The following DNAH11 variants were observed in gnomAD, a reference collection of about 807,000 sequenced individuals.
The protein encoded by DNAH11 is axonemal beta dynein heavy chain 11.
DNAH11 carries 442 observed loss-of-function variants against 526.0 expected under a neutral mutation model. The ratio of observed to expected loss-of-function variants is 0.84; its 90% CI spans 0.78 to 0.91. The LOEUF (loss-of-function observed/expected upper bound fraction) is 0.91. Among genes scored for constraint, DNAH11 ranks in the 40% least tolerant of loss-of-function variants. The pLI is 0.00. For synonymous variants in DNAH11, 2,461 were observed against 1,935.9 expected (o/e 1.27, Z -7.12); for missense variants, 6,989 against 5,448.7 (o/e 1.28, Z -8.90).
chr7:21,708,512 C>G (rs944745855), intron 40 of DNAH11, among the ~76,000 whole-genome samples: 3 of 152,030 alleles, frequency 2.0e-5, no homozygotes, highest in Admixed American at 2.0e-4. Context: ...TGACCTAAAG[C>G]AGACAGAGGG....
In DNAH11 at chr7:21,647,207, A is replaced by G. The variant is rs565762228; in HGVS notation, c.4944+8142A>G. ...AGTTCTCCAAATTGATGAAAAGTAC[A>G]AAAGTGTAAATTCACAGACTTAAGA... On this transcript the variant is annotated intron_variant, in intron 28 of 81. Transcript: ENST00000409508. Among the ~76,000 whole-genome samples the G allele has an allele frequency of 3.9e-4, 60 of 152,298 alleles. 1 individual carries two copies. The highest frequency in any genetic ancestry group is 1.3e-3 in the African/African-American group (53 of 41,580).
chr7:21,753,572 C>T (rs1786503214), intron 54 of DNAH11, among the ~76,000 whole-genome samples: 1 of 152,122 alleles, frequency 6.6e-6, no homozygotes, highest in Non-Finnish European at 1.5e-5. Flanking sequence ...GTCTTCTTGT[C>T]TAAACAACAT....
At chr7:21,685,733 G>A (rs1354069737) in intron 32 of DNAH11, among the ~76,000 whole-genome samples, 1 of 152,186 alleles carries the variant, frequency 6.6e-6, no homozygotes, top group Non-Finnish European at 1.5e-5. Context: ...ACAGAAGTGG[G>A]TATCTCACTG....
intron 25 of DNAH11, among the ~76,000 whole-genome samples, chr7:21,620,469 C>T (rs544166545): frequency 6.6e-6 from 1 of 151,542 alleles, no homozygotes; most frequent in South Asian, 2.1e-4. Context: ...TAGATGGCAT[C>T]GTACAATATT....
chr7:21,626,217 G>A (rs1448152354), intron 25 of DNAH11, among the ~76,000 whole-genome samples: 1 of 152,130 alleles, frequency 6.6e-6, no homozygotes, highest in Non-Finnish European at 1.5e-5. Context: ...CGTGATATTT[G>A]TCTTTCTATG....
Position 21,591,467 on chromosome 7 carries a change from A to G in DNAH11, c.2557A>G (p.Arg853Gly), listed in dbSNP as rs764607630. ...GGCCAGGTGCGTGCTACCTCCCAGG[A>G]GAGAGCACAGACGAGAGGCAGCCTT... ...GWARCVLPPR[R>G]EHRREAAFTL... Residue 853 changes from arginine to glycine, a missense_variant, in exon 14 of 82, where the codon AGA becomes GGA. Physicochemically the swap from Arg to Gly is moderately radical, Grantham distance 125. Coordinates refer to ENST00000409508, the MANE Select transcript of DNAH11 (RefSeq NM_001277115.2). 8 of 1,613,914 alleles carry G rather than the reference A, an allele frequency of 5.0e-6. No homozygotes were observed. Among genetic ancestry groups the G allele is most frequent in the South Asian group, 4.4e-5 (4 of 91,080 alleles).
intron 65 of DNAH11, among the ~76,000 whole-genome samples, chr7:21,818,807 GA>G (rs1188774552): frequency 6.6e-6 from 1 of 152,072 alleles, no homozygotes; most frequent in East Asian, 1.9e-4. Context: ...TAACCATTCG[GA>G]AAAGGAGAGT....
rs756115857 is a variant in DNAH11, at chr7:21,808,003, G to A, written c.10286G>A (p.Arg3429His). 1.5e-5 allele frequency: 24 copies of A among 1,584,928 alleles called. No individual in the cohort carries two copies. Among genetic ancestry groups the A allele is most frequent in the African/African-American group, 2.7e-5 (2 of 74,718 alleles). ...SYVGPFTRQY[R>H]QELVHCKWVP... ...GTCGGACCCTTCACAAGGCAGTATCGCCAGGAGCTGGTGCACTGCAAGTGG... is the reference window on the plus strand; with the variant it reads ...GTCGGACCCTTCACAAGGCAGTATCACCAGGAGCTGGTGCACTGCAAGTGG... Residue 3429 changes from arginine (R) to histidine (H), a missense_variant, in exon 63 of 82, where the codon CGC becomes CAC. Coordinates refer to ENST00000409508, the MANE Select transcript of DNAH11 (RefSeq NM_001277115.2).
At chr7:21,729,059 A>G (rs1215927827) in intron 45 of DNAH11, among the ~76,000 whole-genome samples, 3 of 152,208 alleles carry the variant, frequency 2.0e-5, no homozygotes, top group Non-Finnish European at 2.9e-5. Context: ...TGAGGGGGAA[A>G]TAGCCTCATC....
Position 21,637,677 on chromosome 7 carries a change from G to GA in DNAH11, c.4797dup (p.Leu1600ThrfsTer2). On this transcript the variant is annotated frameshift_variant, in exon 27 of 82. Transcript: ENST00000409508. LOFTEE classifies it high-confidence loss of function. ...AGCAACGTGCAGACCTAATCTCTAT[G>GA]AAAAACTTAAAGATTTACAGTCCAG... The GA allele has an allele frequency of 6.4e-7, 1 of 1,571,496 alleles. No individual in the cohort carries two copies. The highest frequency in any genetic ancestry group is 1.2e-5 in the South Asian group (1 of 83,598).
intron 44 of DNAH11, among the ~76,000 whole-genome samples, chr7:21,724,363 C>G (rs1005124366): frequency 9.9e-5 from 15 of 152,224 alleles, no homozygotes; most frequent in Non-Finnish European, 2.2e-4. Flanking sequence ...GGGGCAAGCT[C>G]TCCCTGCAAA....
rs200470225 is a variant in DNAH11, at chr7:21,613,814, T to TG, written c.3853-1299dup. On this transcript the variant is annotated intron_variant, in intron 20 of 81. Coordinates refer to ENST00000409508, the MANE Select transcript of DNAH11 (RefSeq NM_001277115.2). ...GGGTCTCACTCTGACCAGGCTGTAG[T>TG]GCAGTGGTACAATTTCAACTCAGTG... 4.9e-3 allele frequency among the ~76,000 whole-genome samples: 745 copies of TG among 152,284 alleles called. 6 individuals are homozygous for TG. Among genetic ancestry groups the TG allele is most frequent in the African/African-American group, 0.017 (711 of 41,552 alleles).
At chr7:21,805,766 A>G (rs1396249047) in intron 62 of DNAH11, among the ~76,000 whole-genome samples, 1 of 152,224 alleles carries the variant, frequency 6.6e-6, no homozygotes, top group Admixed American at 6.5e-5. Flanking sequence ...AAGGGAAAAG[A>G]AAATTGTATC....
intron 43 of DNAH11, among the ~76,000 whole-genome samples, chr7:21,718,811 G>A (rs1784770179): frequency 1.3e-5 from 2 of 152,202 alleles, no homozygotes; most frequent in South Asian, 2.1e-4. Context: ...TTTGTTTGAC[G>A]CAAAATTAGA....
Position 21,750,234 on chromosome 7 carries a change from A to T in DNAH11, c.8810A>T (p.Asp2937Val). Residue 2937 changes from aspartate (D) to valine (V), a missense_variant, in exon 54 of 82, where the codon GAT (aspartate) becomes GTT (valine). Transcript: ENST00000409508. ...TTCTTTGGGGCAGGAGAAATCCCAGATCTGTTCAGCGATGAAGATGTGGAC... is the reference window on the plus strand; with the variant it reads ...TTCTTTGGGGCAGGAGAAATCCCAGTTCTGTTCAGCGATGAAGATGTGGAC... ...NDLLASGEIP[D>V]LFSDEDVDKI... 6.2e-7 allele frequency: 1 copy of T among 1,604,210 alleles called. No homozygotes were observed. The highest frequency in any genetic ancestry group is 8.5e-7 in the Non-Finnish European group (1 of 1,175,594).
intron 12 of DNAH11, 82 bp from the exon 13 acceptor site, chr7:21,590,831 CATCTT>C: frequency 5.0e-6 from 4 of 797,330 alleles, no homozygotes; most frequent in Non-Finnish European, 3.6e-6. Flanking sequence ...ACTTGGATAA[CATCTT>C]AAGTATTTCA....
intron 35 of DNAH11, among the ~76,000 whole-genome samples, chr7:21,694,640 A>T (rs1783771363): frequency 6.6e-6 from 1 of 152,198 alleles, no homozygotes; most frequent in Non-Finnish European, 1.5e-5. Flanking sequence ...TGCTATTGTA[A>T]ATAGTGCTGC....
chr7:21,675,035 T>C (rs1562745924), intron 30 of DNAH11, among the ~76,000 whole-genome samples: 1 of 152,198 alleles, frequency 6.6e-6, no homozygotes, highest in East Asian at 1.9e-4. Context: ...CCACTCTCTT[T>C]CATCTAAATG....
At chr7:21,827,013 A>T (rs533501820) in intron 65 of DNAH11, among the ~76,000 whole-genome samples, 9 of 152,336 alleles carry the variant, frequency 5.9e-5, no homozygotes, top group Admixed American at 1.3e-4. Flanking sequence ...GAAGTAATGA[A>T]TACTAATTAC....
Sources: allele counts gnomAD v4.1 joint callset (sites outside exome capture counted in the v4.1 genomes callset), GRCh38; gene constraint gnomAD v4.1.1; transcripts MANE v1.5; gene names NCBI Gene and HGNC (gene_info 2026-07-23, HGNC 2026-07-21).